The following NEK7 variants were observed in gnomAD, a reference collection of about 807,000 sequenced individuals.
NEK7 encodes serine/threonine-protein kinase Nek7.
In NEK7, 18 loss-of-function variants were observed where a neutral mutation model predicts 44.6. The observed-to-expected ratio is 0.40, with a 90% CI of 0.28 to 0.60. The LOEUF (loss-of-function observed/expected upper bound fraction) is 0.60, where lower values mean the gene tolerates loss of function less well. Ranked by LOEUF, NEK7 falls within the 20% of genes least tolerant of loss-of-function variation. The probability of loss-of-function intolerance (pLI) is 0.38; values close to 1 mark genes in which losing one functional copy is unlikely to be tolerated. For missense variants in NEK7, 256 were observed against 366.5 expected (o/e 0.70, Z 2.46); for synonymous variants, 130 against 121.1 (o/e 1.07, Z -0.48).
chr1:198,167,428 TATATG>T (rs1486689028), intron 1 of NEK7, among the ~76,000 whole-genome samples: 2 of 152,166 alleles, frequency 1.3e-5, no homozygotes, highest in Admixed American at 6.5e-5. Context: ...CAAGGCATCT[TATATG>T]ATATGCACTC....
At chr1:198,256,245 C>G (rs1653259252) in intron 3 of NEK7, 1 of 1,402,902 alleles carries the variant, frequency 7.1e-7, no homozygotes, top group South Asian at 1.9e-5. Context: ...TAAGGCCCTT[C>G]CCTACTTTGT....
At chr1:198,176,309 C>G (rs1664602157) in intron 1 of NEK7, among the ~76,000 whole-genome samples, 1 of 152,064 alleles carries the variant, frequency 6.6e-6, no homozygotes. Flanking sequence ...GCTTAAAATA[C>G]GTATTTTAAA....
chr1:198,194,370 T>C (rs1221568335), intron 1 of NEK7, among the ~76,000 whole-genome samples: 4 of 151,934 alleles, frequency 2.6e-5, no homozygotes, highest in Non-Finnish European at 5.9e-5. Context: ...TGGGGGTTTG[T>C]TGTATACATT....
intron 1 of NEK7, among the ~76,000 whole-genome samples, chr1:198,186,472 G>A (rs1938374): frequency 1 from 152,229 of 152,316 alleles, 76,072 homozygotes; most frequent in Middle Eastern, 1. Flanking sequence ...GCTGAGACCT[G>A]CTTTGCAGTT....
chr1:198,262,657 C>T lies in NEK7; in HGVS notation c.261+20C>T. 1.4e-6 allele frequency: 2 copies of T among 1,433,730 alleles called. No homozygotes were observed. The highest frequency in any genetic ancestry group is 9.7e-7 in the Non-Finnish European group (1 of 1,033,160). 88.8% of individuals were successfully genotyped at this position (1,433,730 alleles called of 1,614,324 possible). Reference sequence around the variant, plus strand: ...CTTAAGGTAATTAATGAACTGTTGACTCTTTTGAACATAACATGGTGATAA... The same window carrying T: ...CTTAAGGTAATTAATGAACTGTTGATTCTTTTGAACATAACATGGTGATAA... On this transcript the variant is annotated intron_variant, in intron 4 of 9. Coordinates refer to ENST00000367385, the MANE Select transcript of NEK7 (RefSeq NM_133494.3).
intron 2 of NEK7, among the ~76,000 whole-genome samples, chr1:198,245,738 T>C (rs969890746): frequency 3.9e-5 from 6 of 152,066 alleles, no homozygotes; most frequent in Non-Finnish European, 5.9e-5. Context: ...CCATAAAAGT[T>C]GAAGGTCCTC....
At position 198,195,116 on chromosome 1, in the gene NEK7, T is replaced by G. The variant is rs114263260; in HGVS notation, c.-28-37437T>G. On this transcript the variant is annotated intron_variant, in intron 1 of 9. Coordinates refer to ENST00000367385, the MANE Select transcript of NEK7 (RefSeq NM_133494.3). ...AAGGGGAAGACAAAAGGAGTTTTTT[T>G]GGGGAAGGTTTAGTGGGAAGCTTTT... Among the ~76,000 whole-genome samples the G allele has an allele frequency of 4.7e-3, 721 of 152,278 alleles. 7 individuals carry two copies. The highest frequency in any genetic ancestry group is 0.016 in the African/African-American group (685 of 41,560).
At chr1:198,216,217 A>T (rs967509245) in intron 1 of NEK7, among the ~76,000 whole-genome samples, 1 of 152,130 alleles carries the variant, frequency 6.6e-6, no homozygotes, top group Non-Finnish European at 1.5e-5. Flanking sequence ...TAAAAATAGA[A>T]ATCACATCAA....
At chr1:198,255,535 A>G (rs2102932463) in intron 3 of NEK7, among the ~76,000 whole-genome samples, 1 of 152,258 alleles carries the variant, frequency 6.6e-6, no homozygotes, top group South Asian at 2.1e-4. Context: ...GGAGGGAGGA[A>G]GAAAAAAGCT....
Position 198,319,672 on chromosome 1 carries a change from A to C in NEK7, c.*150A>C. 1 of 908,350 alleles carries C rather than the reference A, an allele frequency of 1.1e-6. No individual in the cohort carries two copies. Among genetic ancestry groups the C allele is most frequent in the Non-Finnish European group, 1.5e-6 (1 of 670,902 alleles). 56.3% of individuals were successfully genotyped at this position (908,350 alleles called of 1,614,324 possible). A position where few individuals can be genotyped will look rare whatever the true frequency, so the allele number is the denominator to read the frequency against. On this transcript the variant is annotated 3_prime_UTR_variant, in exon 10 of 10. Transcript: ENST00000367385. ...AGTTTTCATATAAGCTTCATTTTGTACCAGTCACCTAAATCACCTCCTTGC... is the reference window on the plus strand; with the variant it reads ...AGTTTTCATATAAGCTTCATTTTGTCCCAGTCACCTAAATCACCTCCTTGC...
At chr1:198,298,820 G>C (rs758986917) in intron 9 of NEK7, among the ~76,000 whole-genome samples, 1 of 152,198 alleles carries the variant, frequency 6.6e-6, no homozygotes, top group African/African-American at 2.4e-5. Context: ...AGGAGATGCC[G>C]AGTGCAGCAG....
intron 9 of NEK7, among the ~76,000 whole-genome samples, chr1:198,300,058 T>C (rs1654838692): frequency 6.6e-6 from 1 of 152,218 alleles, no homozygotes; most frequent in Non-Finnish European, 1.5e-5. Context: ...AATCTATATT[T>C]TATGGCTGAC....
chr1:198,158,371 C>T (rs1255799782), intron 1 of NEK7, among the ~76,000 whole-genome samples: 1 of 152,188 alleles, frequency 6.6e-6, no homozygotes, highest in African/African-American at 2.4e-5. Context: ...GCCTAATGTA[C>T]CCATCATAAT....
intron 9 of NEK7, among the ~76,000 whole-genome samples, chr1:198,314,308 A>T (rs1655282526): frequency 6.6e-6 from 1 of 152,092 alleles, no homozygotes; most frequent in South Asian, 2.1e-4. Context: ...ACTTCTCTGT[A>T]ATGGTTATTC....
intron 9 of NEK7, among the ~76,000 whole-genome samples, chr1:198,305,665 A>T (rs997136497): frequency 2.0e-5 from 3 of 152,180 alleles, no homozygotes; most frequent in African/African-American, 7.2e-5. Flanking sequence ...CTCTAGTCAT[A>T]ATAATCTGAA....
intron 1 of NEK7, among the ~76,000 whole-genome samples, chr1:198,181,345 A>G (rs1301277621): frequency 6.6e-6 from 1 of 152,122 alleles, no homozygotes; most frequent in Non-Finnish European, 1.5e-5. Flanking sequence ...ATGCATTACT[A>G]GTGAGGCTCT....
chr1:198,264,719 T>C (rs1653592308), intron 5 of NEK7, among the ~76,000 whole-genome samples: 1 of 151,992 alleles, frequency 6.6e-6, no homozygotes, highest in Non-Finnish European at 1.5e-5. Flanking sequence ...AATTCATAAT[T>C]AATATAATTA....
At chr1:198,209,161 T>G (rs1209859818) in intron 1 of NEK7, among the ~76,000 whole-genome samples, 1 of 150,536 alleles carries the variant, frequency 6.6e-6, no homozygotes, top group Non-Finnish European at 1.5e-5. Context: ...TACTTTTTTT[T>G]TTTTTTTGGT....
chr1:198,216,989 G>A (rs1665939913), intron 1 of NEK7, among the ~76,000 whole-genome samples: 1 of 151,760 alleles, frequency 6.6e-6, no homozygotes, highest in Non-Finnish European at 1.5e-5. Context: ...ATAAGCCCAG[G>A]GCCACATAGA....
Sources: gnomAD v4.1 joint callset for allele counts (sites outside exome capture counted in the v4.1 genomes callset) on GRCh38, gnomAD v4.1.1 for gene constraint, MANE v1.5 for transcripts, NCBI Gene and HGNC (gene_info 2026-07-23, HGNC 2026-07-21) for gene names.